SIAH3: variants seen among roughly 807,000 people sequenced by gnomAD.
SIAH3 encodes the protein seven in absentia homolog 3.
In SIAH3, 9 loss-of-function variants were observed where a neutral mutation model predicts 12.6. That is an observed-to-expected ratio of 0.72 (90% CI 0.43 to 1.25). The LOEUF is 1.25. SIAH3 is among the 50% of genes most tolerant of loss of function. The pLI is 0.00. For missense variants in SIAH3, 390 were observed against 365.4 expected (o/e 1.07, Z -0.55); for synonymous variants, 154 against 151.1 (o/e 1.02, Z -0.14).
chr13:45,844,839 G>T (rs770557307), intron 1 of SIAH3, among the ~76,000 whole-genome samples: 7 of 152,192 alleles, frequency 4.6e-5, no homozygotes, highest in Non-Finnish European at 1.0e-4. Flanking sequence ...AAAGATAAAA[G>T]TTTAAAAGCT....
intron 1 of SIAH3, among the ~76,000 whole-genome samples, chr13:45,822,376 T>C (rs1950658779): frequency 6.6e-6 from 1 of 151,866 alleles, no homozygotes; most frequent in Non-Finnish European, 1.5e-5. Context: ...TATTGGACCA[T>C]TTGAAAACAG....
chr13:45,783,517 C>T lies in SIAH3; in HGVS notation c.676G>A (p.Asp226Asn), dbSNP rs1437956432. The T allele has an allele frequency of 6.2e-7, 1 of 1,614,216 alleles. No homozygotes were observed. Among genetic ancestry groups the T allele is most frequent in the Non-Finnish European group, 8.5e-7 (1 of 1,180,046 alleles). ...ATPRSVLECV[D>N]SVITDGDCLV... is the part of the protein sequence containing the mutation. Reference sequence around the variant, plus strand: ...CAGTCCCCGTCCGTAATCACCGAGTCCACGCACTCAAGAACAGACCGGGGC... The same window carrying T: ...CAGTCCCCGTCCGTAATCACCGAGTTCACGCACTCAAGAACAGACCGGGGC... The change falls in exon 2 of 2, where the codon GAC becomes AAC. Residue 226 changes from aspartate to asparagine, a missense_variant. Asp to Asn is a conservative substitution (Grantham distance 23). Coordinates refer to ENST00000400405, the MANE Select transcript of SIAH3 (RefSeq NM_198849.3).
rs148925601 is a variant in SIAH3, at chr13:45,817,281, A to G, written c.136-33224T>C. Among the ~76,000 whole-genome samples the G allele has an allele frequency of 3.1e-4, 47 of 152,360 alleles. 1 individual carries two copies. The East Asian group carries it at 7.7e-3, about 25-fold the overall frequency. On this transcript the variant is annotated intron_variant, in intron 1 of 1. Transcript: ENST00000400405. ...TTGTTACAATTGCCTACAATGTTCA[A>G]TATAGTCACATGCTGTGCAGGTTTG...
intron 1 of SIAH3, among the ~76,000 whole-genome samples, chr13:45,843,842 A>G (rs1950749295): frequency 6.6e-6 from 1 of 152,172 alleles, no homozygotes; most frequent in African/African-American, 2.4e-5. Context: ...CGTCATAATG[A>G]CCATGCTAAC....
intron 1 of SIAH3, among the ~76,000 whole-genome samples, chr13:45,798,727 C>T (rs1292162993): frequency 6.6e-6 from 1 of 152,210 alleles, no homozygotes; most frequent in African/African-American, 2.4e-5. Flanking sequence ...GCAGTCACTT[C>T]CGGCAGATCC....
intron 1 of SIAH3, among the ~76,000 whole-genome samples, chr13:45,786,613 G>T (rs1327537009): frequency 1.3e-5 from 2 of 152,216 alleles, no homozygotes; most frequent in African/African-American, 4.8e-5. Flanking sequence ...ATGAGAGAAT[G>T]TCTGTAAAAC....
chr13:45,830,235 G>A (rs1410590455), intron 1 of SIAH3, among the ~76,000 whole-genome samples: 1 of 152,126 alleles, frequency 6.6e-6, no homozygotes, highest in East Asian at 1.9e-4. Flanking sequence ...TGATGTATGT[G>A]GCCACCTGAG....
intron 1 of SIAH3, among the ~76,000 whole-genome samples, chr13:45,826,452 G>C: frequency 7.5e-6 from 1 of 132,540 alleles, no homozygotes; most frequent in South Asian, 3.0e-4. Context: ...TGGATGGATG[G>C]ATGGATGAAT....
chr13:45,784,022 AGCGCTCTGAGTG>A lies in SIAH3; in HGVS notation c.159_170del (p.Thr54_Ala57del). The A allele has an allele frequency of 6.2e-7, 1 of 1,602,550 alleles. No individual in the cohort carries two copies. Among genetic ancestry groups the A allele is most frequent in the Non-Finnish European group, 8.5e-7 (1 of 1,174,508 alleles). ...GAGGGTGGAAGCTGCCTTGCTCTGGAGCGCTCTGAGTGACGGCGCGCCGACTGGACACATACT... is the reference window on the plus strand; with the variant it reads ...GAGGGTGGAAGCTGCCTTGCTCTGGAACGGCGCGCCGACTGGACACATACT... On this transcript the variant is annotated inframe_deletion, in exon 2 of 2. Transcript: ENST00000400405.
intron 1 of SIAH3, among the ~76,000 whole-genome samples, chr13:45,789,357 C>CATCTATCTATCTATCTATCT (rs67992215): frequency 9.3e-6 from 1 of 107,176 alleles, no homozygotes; most frequent in East Asian, 5.5e-4. Flanking sequence ...GTGTATCTAT[C>CATCTATCTATCTATCTATCT]ATCTATCTAT....
At chr13:45,792,498 C>G (rs144469964) in intron 1 of SIAH3, among the ~76,000 whole-genome samples, 5 of 151,974 alleles carry the variant, frequency 3.3e-5, no homozygotes, top group African/African-American at 1.2e-4. Flanking sequence ...GCTGGGATTA[C>G]AGACAGGTGC....
intron 1 of SIAH3, among the ~76,000 whole-genome samples, chr13:45,811,398 G>A (rs1950615828): frequency 6.6e-6 from 1 of 152,184 alleles, no homozygotes; most frequent in Non-Finnish European, 1.5e-5. Context: ...ATTAATCTTT[G>A]TTGATATGTA....
intron 1 of SIAH3, among the ~76,000 whole-genome samples, chr13:45,839,355 C>T (rs1016792680): frequency 6.6e-6 from 1 of 152,060 alleles, no homozygotes; most frequent in African/African-American, 2.4e-5. Context: ...ACAAGACAAT[C>T]ATATGGCCCA....
intron 1 of SIAH3, among the ~76,000 whole-genome samples, chr13:45,832,003 C>T (rs1376957967): frequency 2.6e-5 from 4 of 152,226 alleles, no homozygotes; most frequent in Middle Eastern, 3.4e-3. Flanking sequence ...GGCGGGAGAG[C>T]ATTTCCAGCC....
chr13:45,830,229 G>A lies in SIAH3; in HGVS notation c.135+21266C>T, dbSNP rs140638118. Among the ~76,000 whole-genome samples the A allele has an allele frequency of 6.1e-3, 933 of 152,316 alleles. 12 individuals are homozygous for A. The highest frequency in any genetic ancestry group is 0.021 in the African/African-American group (867 of 41,568). ...TCCCTAGTTCCATCCCATACCTGAT[G>A]TATGTGGCCACCTGAGCCTGTACAT... On this transcript the variant is annotated intron_variant, in intron 1 of 1. Transcript: ENST00000400405.
rs936463573 is a variant in SIAH3, at chr13:45,782,853, T to G, written c.*530A>C. On this transcript the variant is annotated 3_prime_UTR_variant, in exon 2 of 2. Coordinates refer to ENST00000400405, the MANE Select transcript of SIAH3 (RefSeq NM_198849.3). Reference sequence around the variant, plus strand: ...TGCCCGGCTAGCTCAGCTTTGACCTTGAGGTTCCTGGGAAGCTGTCAGAGT... The same window carrying G: ...TGCCCGGCTAGCTCAGCTTTGACCTGGAGGTTCCTGGGAAGCTGTCAGAGT... The G allele has an allele frequency of 6.6e-6, 1 of 152,500 alleles. No homozygotes were observed. The highest frequency in any genetic ancestry group is 1.5e-5 in the Non-Finnish European group (1 of 68,344). The allele number at this position is 152,500 out of a possible 1,614,324, so 9.4% of individuals were successfully genotyped here.
intron 1 of SIAH3, among the ~76,000 whole-genome samples, chr13:45,850,124 G>A (rs552210465): frequency 6.6e-6 from 1 of 152,304 alleles, no homozygotes; most frequent in South Asian, 2.1e-4. Context: ...GATGGCATTC[G>A]TCACAGCTGG....
chr13:45,847,305 G>A (rs1224979688), intron 1 of SIAH3, among the ~76,000 whole-genome samples: 1 of 152,162 alleles, frequency 6.6e-6, no homozygotes, highest in Non-Finnish European at 1.5e-5. Context: ...CTCTCATTGA[G>A]CCACCTGCTG....
At chr13:45,813,430 C>T (rs569673825) in intron 1 of SIAH3, among the ~76,000 whole-genome samples, 6 of 152,336 alleles carry the variant, frequency 3.9e-5, no homozygotes, top group Admixed American at 1.3e-4. Flanking sequence ...GCTCTGCCCC[C>T]TTGGCCAGCT....
Sources: gnomAD v4.1 joint callset for allele counts (sites outside exome capture counted in the v4.1 genomes callset) on GRCh38, gnomAD v4.1.1 for gene constraint, MANE v1.5 for transcripts, NCBI Gene and HGNC (gene_info 2026-07-23, HGNC 2026-07-21) for gene names.